The following TMPPE variants were observed in gnomAD, a reference collection of about 807,000 sequenced individuals.
The protein encoded by TMPPE is transmembrane protein with metallophosphoesterase domain.
TMPPE carries 16 observed loss-of-function variants against 22.6 expected under a neutral mutation model. The observed-to-expected ratio is 0.71, with a 90% CI of 0.48 to 1.08. TMPPE has a LOEUF of 1.08. TMPPE is among the 50% of genes least tolerant of loss of function. The pLI, the probability that TMPPE is intolerant of heterozygous loss-of-function variation, is 0.00. For missense variants in TMPPE, 526 were observed against 584.3 expected, an observed-to-expected ratio of 0.90 and a Z score of 1.03; for synonymous variants, 240 against 245.3, an observed-to-expected ratio of 0.98 and a Z score of 0.20.
At chr3:33,095,863 G>A (rs1390583578) in intron 1 of TMPPE, among the ~76,000 whole-genome samples, 3 of 152,156 alleles carry the variant, frequency 2.0e-5, no homozygotes, top group Non-Finnish European at 2.9e-5. Context: ...CGGGCCTTCT[G>A]GACAAGAAAA....
chr3:33,092,601 T>C lies in TMPPE; in HGVS notation c.*233A>G. Reference sequence around the variant, plus strand: ...AGGGGAGTGCTAATATATGTGACCTTAGTGATCTCACAAGTGCATCAAAAA... The same window carrying C: ...AGGGGAGTGCTAATATATGTGACCTCAGTGATCTCACAAGTGCATCAAAAA... On this transcript the variant is annotated 3_prime_UTR_variant, in exon 2 of 2. Coordinates refer to ENST00000342462, the MANE Select transcript of TMPPE (RefSeq NM_001039770.3). The C allele has an allele frequency of 7.5e-7, 1 of 1,334,120 alleles. No homozygotes were observed. Among genetic ancestry groups the C allele is most frequent in the Non-Finnish European group, 9.6e-7 (1 of 1,042,648 alleles). 82.6% of individuals were successfully genotyped at this position (1,334,120 alleles called of 1,614,324 possible).
rs1348660525 is a variant in TMPPE, at chr3:33,091,021, A to C, written c.*1813T>G. On this transcript the variant is annotated 3_prime_UTR_variant, in exon 2 of 2. Transcript: ENST00000342462. ...TCAAGAAACCAGTGAAATAACACGT[A>C]ACAGGTGAGTCAAACATTACCAGCC... The C allele has an allele frequency of 1.0e-6, 1 of 985,338 alleles. No individual in the cohort carries two copies. The highest frequency in any genetic ancestry group is 6.1e-5 in the Admixed American group (1 of 16,272). The allele number at this position is 985,338 out of a possible 1,614,324, so 61.0% of individuals were successfully genotyped here. A position where few individuals can be genotyped will look rare whatever the true frequency, so the allele number is the denominator to read the frequency against.
At position 33,091,995 on chromosome 3, in the gene TMPPE, A is replaced by G. The variant is rs1700783470; in HGVS notation, c.*839T>C. 1.0e-6 allele frequency: 1 copy of G among 983,942 alleles called. No individual in the cohort carries two copies. The highest frequency in any genetic ancestry group is 1.7e-5 in the African/African-American group (1 of 57,204). The allele number at this position is 983,942 out of a possible 1,614,324, so 61.0% of individuals were successfully genotyped here. ...TATCTTGTCATACTGCCTGTGCCCT[A>G]TCTCTCTTTGCCTTGGTTTCCTTAT... On this transcript the variant is annotated 3_prime_UTR_variant, in exon 2 of 2. Transcript: ENST00000342462.
In TMPPE at chr3:33,090,980, T is replaced by C. The variant is rs1559421311; in HGVS notation, c.*1854A>G. 6 of 984,488 alleles carry C rather than the reference T, an allele frequency of 6.1e-6. No homozygotes were observed. The highest frequency in any genetic ancestry group is 7.2e-6 in the Non-Finnish European group (6 of 829,750). 61.0% of individuals were successfully genotyped at this position (984,488 alleles called of 1,614,324 possible). ...AATTTCATCAAGCCCAGGTCACTGA[T>C]GAGAAAGATGTAAAATCAAGAAACC... On this transcript the variant is annotated 3_prime_UTR_variant, in exon 2 of 2. Coordinates refer to ENST00000342462, the MANE Select transcript of TMPPE (RefSeq NM_001039770.3).
Position 33,093,927 on chromosome 3 carries a change from A to T in TMPPE, c.269T>A (p.Leu90Gln). 2 of 1,614,146 alleles carry T rather than the reference A, an allele frequency of 1.2e-6. No homozygotes were observed. Among genetic ancestry groups the T allele is most frequent in the Non-Finnish European group, 1.7e-6 (2 of 1,180,022 alleles). Residue 90 changes from leucine to glutamine, a missense_variant, in exon 2 of 2, where the codon CTG (leucine) becomes CAG (glutamine). By Grantham distance (113) the Leu-to-Gln change is moderately radical. Coordinates refer to ENST00000342462, the MANE Select transcript of TMPPE (RefSeq NM_001039770.3). The surrounding 1 kb of genome is among the most constrained non-coding windows in gnomAD (Gnocchi z 6.0). ...GGAATGGGCCAGGGCCAGAAATGCC[A>T]GAACCACCACCTTCCAAAGCTGAAA... is the stretch of plus-strand genomic sequence containing the variant. ...TCFQLWKVVVLAFLALAHSSF... is the reference protein window; with the variant it reads ...TCFQLWKVVVQAFLALAHSSF...
chr3:33,093,462 C>T lies in TMPPE; in HGVS notation c.734G>A (p.Gly245Asp), dbSNP rs971031568. 7 of 1,614,010 alleles carry T rather than the reference C, an allele frequency of 4.3e-6. No homozygotes were observed. Among genetic ancestry groups the T allele is most frequent in the Non-Finnish European group, 5.9e-6 (7 of 1,180,056 alleles). Residue 245 changes from glycine (G) to aspartate (D), a missense_variant, in exon 2 of 2, where the codon GGT becomes GAT. By Grantham distance (94) the Gly-to-Asp change is moderately conservative. Coordinates refer to ENST00000342462, the MANE Select transcript of TMPPE (RefSeq NM_001039770.3). The surrounding 1 kb of genome is among the most constrained non-coding windows in gnomAD (Gnocchi z 6.0). ...VLEPDITVIV[G>D]DLSDSEASVL... ...CGAGGCTTCTGAGTCGGAGAGGTCA[C>T]CCACAATCACCGTGATGTCTGGTTC...
At position 33,091,381 on chromosome 3, in the gene TMPPE, A is replaced by G. The variant is rs10865849; in HGVS notation, c.*1453T>C. On this transcript the variant is annotated 3_prime_UTR_variant, in exon 2 of 2. Transcript: ENST00000342462. Reference sequence around the variant, plus strand: ...TTGCCTGCCAGAATGCACATGAGGGAAGGAAGGCAAACCCCTAGCAGTTGC... The same window carrying G: ...TTGCCTGCCAGAATGCACATGAGGGGAGGAAGGCAAACCCCTAGCAGTTGC... 1 allele frequency: 985,502 copies of G among 985,504 alleles called. 492,750 individuals are homozygous for G. Among genetic ancestry groups the G allele is most frequent in the Middle Eastern group, 1 (1,916 of 1,916 alleles). The allele number at this position is 985,504 out of a possible 1,614,324, so 61.0% of individuals were successfully genotyped here. A position where few individuals can be genotyped will look rare whatever the true frequency, so the allele number is the denominator to read the frequency against.
intron 1 of TMPPE, among the ~76,000 whole-genome samples, chr3:33,095,713 C>T (rs1467389519): frequency 1.3e-5 from 2 of 152,180 alleles, no homozygotes; most frequent in Admixed American, 6.5e-5. Flanking sequence ...TCTCTCTCTC[C>T]CTACCCCCAC....
chr3:33,096,540 T>G, intron 1 of TMPPE, 179 bp downstream of exon 1: 1 of 984,710 alleles, frequency 1.0e-6, no homozygotes, highest in Non-Finnish European at 1.2e-6. Context: ...AGAGGGGAAA[T>G]AACCCAATGT....
chr3:33,094,374 C>T, intron 1 of TMPPE, 71 bp from the exon 2 acceptor site: 1 of 1,370,662 alleles, frequency 7.3e-7, no homozygotes, highest in Non-Finnish European at 9.5e-7. Flanking sequence ...AACTCAAAGG[C>T]CACTTACATC....
At chr3:33,096,612 CAACTGGGAAAGCGAGGGCGCCCCA>C (rs1267721712) in intron 1 of TMPPE, 83 bp downstream of exon 1, 1 of 1,061,502 alleles carries the variant, frequency 9.4e-7, no homozygotes, top group African/African-American at 1.7e-5. Flanking sequence ...CGCAGAGCAC[CAACTGGGAAAGCGAGGGCGCCCCA>C]AACCAGAGCC....
Position 33,090,826 on chromosome 3 carries a change from A to G in TMPPE, c.*2008T>C, listed in dbSNP as rs564724314. The G allele has an allele frequency of 2.0e-6, 2 of 985,428 alleles. No individual in the cohort carries two copies. The highest frequency in any genetic ancestry group is 2.4e-6 in the Non-Finnish European group (2 of 829,938). 61.0% of individuals were successfully genotyped at this position (985,428 alleles called of 1,614,324 possible). A position where few individuals can be genotyped will look rare whatever the true frequency, so the allele number is the denominator to read the frequency against. On this transcript the variant is annotated 3_prime_UTR_variant, in exon 2 of 2. Coordinates refer to ENST00000342462, the MANE Select transcript of TMPPE (RefSeq NM_001039770.3). ...GGACCTGTTTTCTTTCTGCTAATAG[A>G]AAGCAATCAGTCAAGCAAGGACTTC...
chr3:33,095,001 A>G (rs749653945), intron 1 of TMPPE, among the ~76,000 whole-genome samples: 38 of 152,168 alleles, frequency 2.5e-4, no homozygotes, highest in Non-Finnish European at 5.1e-4. Context: ...ACCTGAGGTC[A>G]GGAGTTCAAG....
Position 33,092,697 on chromosome 3 carries a change from G to C in TMPPE, c.*137C>G, listed in dbSNP as rs1289498698. ...GCAGGCCCACCATAAGTCACTGTTT[G>C]AGTCAGGCTTGTGACCAAGGGTGTG... On this transcript the variant is annotated 3_prime_UTR_variant, in exon 2 of 2. Transcript: ENST00000342462. The C allele has an allele frequency of 6.9e-7, 1 of 1,441,494 alleles. No homozygotes were observed. The highest frequency in any genetic ancestry group is 1.4e-5 in the African/African-American group (1 of 70,544). 89.3% of individuals were successfully genotyped at this position (1,441,494 alleles called of 1,614,324 possible).
chr3:33,091,717 G>A lies in TMPPE; in HGVS notation c.*1117C>T. 4.1e-6 allele frequency: 4 copies of A among 985,356 alleles called. No individual in the cohort carries two copies. The highest frequency in any genetic ancestry group is 4.8e-6 in the Non-Finnish European group (4 of 829,892). 61.0% of individuals were successfully genotyped at this position (985,356 alleles called of 1,614,324 possible). ...AGTCACCCACCCAACGCTGCCCTAT[G>A]AGTGAGCAGCAGGGTTAGCCTCTCC... is the stretch of plus-strand genomic sequence containing the variant. On this transcript the variant is annotated 3_prime_UTR_variant, in exon 2 of 2. Transcript: ENST00000342462.
chr3:33,092,929 C>G lies in TMPPE; in HGVS notation c.1267G>C (p.Val423Leu). ...TAGGCTGTGCCTGGGCTGACATACA[C>G]GAATGTAGCCTGGGCCACCTGGTAG... ...GLYQVAQATF[V>L]YVSPGTAYYG... Residue 423 changes from valine (V) to leucine (L), a missense_variant, in exon 2 of 2, where the codon GTG (valine) becomes CTG (leucine). Coordinates refer to ENST00000342462, the MANE Select transcript of TMPPE (RefSeq NM_001039770.3). 1 of 1,614,180 alleles carries G rather than the reference C, an allele frequency of 6.2e-7. No homozygotes were observed. The highest frequency in any genetic ancestry group is 1.1e-5 in the South Asian group (1 of 91,080).
rs1700726488 is a variant in TMPPE, at chr3:33,090,832, A to G, written c.*2002T>C. 1 of 985,452 alleles carries G rather than the reference A, an allele frequency of 1.0e-6. No homozygotes were observed. Among genetic ancestry groups the G allele is most frequent in the Non-Finnish European group, 1.2e-6 (1 of 829,932 alleles). 61.0% of individuals were successfully genotyped at this position (985,452 alleles called of 1,614,324 possible). ...GTTTTCTTTCTGCTAATAGAAAGCAATCAGTCAAGCAAGGACTTCAGAGTG... is the reference window on the plus strand; with the variant it reads ...GTTTTCTTTCTGCTAATAGAAAGCAGTCAGTCAAGCAAGGACTTCAGAGTG... On this transcript the variant is annotated 3_prime_UTR_variant, in exon 2 of 2. Transcript: ENST00000342462.
chr3:33,090,798 G>A lies in TMPPE; in HGVS notation c.*2036C>T, dbSNP rs1700724998. 2.0e-6 allele frequency: 2 copies of A among 985,332 alleles called. No individual in the cohort carries two copies. Among genetic ancestry groups the A allele is most frequent in the Non-Finnish European group, 2.4e-6 (2 of 829,932 alleles). 61.0% of individuals were successfully genotyped at this position (985,332 alleles called of 1,614,324 possible). ...TTGATGTTGTTTCTCAGATACATAG[G>A]ATGGACCTGTTTTCTTTCTGCTAAT... On this transcript the variant is annotated 3_prime_UTR_variant, in exon 2 of 2. Transcript: ENST00000342462.
Position 33,093,864 on chromosome 3 carries a change from G to A in TMPPE, c.332C>T (p.Pro111Leu). 6.2e-7 allele frequency: 1 copy of A among 1,613,702 alleles called. No homozygotes were observed. The part of the protein sequence containing the change: ...FTMFFLVAEE[P>L]YLFSLAAYSC... ...GTAGGCCGCCAAGGAAAAGAGATAGGGCTCTTCGGCCACTAAAAAGAACAT... is the reference window on the plus strand; with the variant it reads ...GTAGGCCGCCAAGGAAAAGAGATAGAGCTCTTCGGCCACTAAAAAGAACAT... Residue 111 changes from proline (P) to leucine (L), a missense_variant, in exon 2 of 2, where the codon CCC (proline) becomes CTC (leucine). Pro to Leu is a moderately conservative substitution (Grantham distance 98). Transcript: ENST00000342462. This position sits in a 1 kb window ranked among gnomAD's most constrained non-coding sequence, Gnocchi z 6.0.
Sources: allele counts gnomAD v4.1 joint callset (sites outside exome capture counted in the v4.1 genomes callset), GRCh38; gene constraint gnomAD v4.1.1; non-coding constraint Gnocchi (gnomAD v3.1); transcripts MANE v1.5; gene names NCBI Gene and HGNC (gene_info 2026-07-23, HGNC 2026-07-21).